Variants in SF3A3 observed in about 807,000 individuals in gnomAD.
SF3A3 encodes SAP 61.
SF3A3 carries 9 observed loss-of-function variants against 85.8 expected under a neutral mutation model. That is an observed-to-expected ratio of 0.10 (90% CI 0.06 to 0.18). The LOEUF is 0.18. Among genes scored for constraint, SF3A3 ranks in the 10% least tolerant of loss-of-function variants. The pLI, the probability that SF3A3 is intolerant of heterozygous loss-of-function variation, is 1.00. For synonymous variants in SF3A3, 195 were observed against 204.4 expected, an observed-to-expected ratio of 0.95 and a Z score of 0.39; for missense variants, 306 against 593.3, an observed-to-expected ratio of 0.52 and a Z score of 5.03.
intron 5 of SF3A3, 139 bp from the exon 6 acceptor site, chr1:37,984,399 T>A (rs1487625150): frequency 3.2e-6 from 2 of 626,012 alleles, no homozygotes; most frequent in Non-Finnish European, 5.7e-6. Flanking sequence ...CAATATAACC[T>A]CCAATAAGTT....
At chr1:37,980,220 T>C (rs1426838453) in intron 8 of SF3A3, among the ~76,000 whole-genome samples, 1 of 152,104 alleles carries the variant, frequency 6.6e-6, no homozygotes, top group African/African-American at 2.4e-5. Flanking sequence ...AGGTCGGGAA[T>C]TTGAGACCAG....
At position 37,962,956 on chromosome 1, in the gene SF3A3, C is replaced by T. The variant is rs1016334215; in HGVS notation, c.1373-2781G>A. 5.3e-5 allele frequency among the ~76,000 whole-genome samples: 8 copies of T among 151,300 alleles called. No homozygotes were observed. The South Asian group carries it at 1.5e-3, about 28-fold the overall frequency. On this transcript the variant is annotated intron_variant, in intron 15 of 16. Coordinates refer to ENST00000373019, the MANE Select transcript of SF3A3 (RefSeq NM_006802.4). Reference sequence around the variant, plus strand: ...ACAAAAAATTAGCTGGGCATGCTGGCGTGCACCTGTAGTCCCAGCCACTCG... The same window carrying T: ...ACAAAAAATTAGCTGGGCATGCTGGTGTGCACCTGTAGTCCCAGCCACTCG...
intron 15 of SF3A3, among the ~76,000 whole-genome samples, chr1:37,963,087 CA>C (rs112449841): frequency 0.034 from 3,962 of 115,882 alleles, 63 homozygotes; most frequent in Non-Finnish European, 0.051. Context: ...GACTCCGTCT[CA>C]AAAAAAAAAA....
intron 16 of SF3A3, 120 bp from the exon 17 acceptor site, chr1:37,958,383 T>C (rs1475234766): frequency 4.1e-6 from 3 of 731,478 alleles, no homozygotes; most frequent in Admixed American, 2.1e-5. Flanking sequence ...TACACTAAGA[T>C]TGGCATTCAT....
intron 7 of SF3A3, 117 bp from the exon 8 acceptor site, chr1:37,980,841 CTTTTTTTTTTTT>C (rs760972269): frequency 2.7e-4 from 26 of 95,452 alleles, no homozygotes; most frequent in African/African-American, 1.4e-3. Context: ...TTTTAATACT[CTTTTTTTTTTTT>C]TTTTTTTTTT....
At chr1:37,964,697 C>T (rs1008803541) in intron 15 of SF3A3, among the ~76,000 whole-genome samples, 1 of 152,146 alleles carries the variant, frequency 6.6e-6, no homozygotes, top group African/African-American at 2.4e-5. Context: ...GAGAAAGCTA[C>T]CACTGCGGGG....
At chr1:37,973,078 C>T (rs181805967) in intron 12 of SF3A3, among the ~76,000 whole-genome samples, 11 of 152,160 alleles carry the variant, frequency 7.2e-5, no homozygotes, top group African/African-American at 2.7e-4. Context: ...ACTCGGGAGG[C>T]TGAGGCAGGA....
chr1:37,986,548 A>T (rs1646458331), intron 4 of SF3A3, among the ~76,000 whole-genome samples: 1 of 151,680 alleles, frequency 6.6e-6, no homozygotes, highest in Non-Finnish European at 1.5e-5. Flanking sequence ...GCGGTGGCTC[A>T]TGCCTGTAAT....
intron 15 of SF3A3, among the ~76,000 whole-genome samples, chr1:37,963,083 G>A (rs565712394): frequency 1.5e-4 from 22 of 145,868 alleles, no homozygotes; most frequent in Non-Finnish European, 2.2e-4. Context: ...GCGAGACTCC[G>A]TCTCAAAAAA....
chr1:37,988,855 T>TG (rs1646472692), intron 2 of SF3A3, among the ~76,000 whole-genome samples: 2 of 146,760 alleles, frequency 1.4e-5, no homozygotes, highest in African/African-American at 5.4e-5. Flanking sequence ...ATACGGGGTG[T>TG]GTTGTGTGTG....
At chr1:37,963,217 T>C (rs1646274258) in intron 15 of SF3A3, among the ~76,000 whole-genome samples, 1 of 151,888 alleles carries the variant, frequency 6.6e-6, no homozygotes, top group African/African-American at 2.4e-5. Flanking sequence ...CCAGGAATGG[T>C]GACATGAGAA....
intron 1 of SF3A3, 43 bp from the exon 2 acceptor site, chr1:37,989,638 C>T (rs1436102082): frequency 2.5e-6 from 4 of 1,608,674 alleles, no homozygotes; most frequent in East Asian, 4.5e-5. Flanking sequence ...AGTTTGCGTT[C>T]TGGAGTAGAA....
chr1:37,963,235 A>G (rs1031191825), intron 15 of SF3A3, among the ~76,000 whole-genome samples: 1 of 152,312 alleles, frequency 6.6e-6, no homozygotes, highest in African/African-American at 2.4e-5. Context: ...GAATCACTTG[A>G]GCCCAAGAGG....
chr1:37,963,778 G>A (rs893959495), intron 15 of SF3A3, among the ~76,000 whole-genome samples: 2 of 145,628 alleles, frequency 1.4e-5, no homozygotes, highest in Non-Finnish European at 3.0e-5. Context: ...GGATGGTCTC[G>A]ATCTCCTGAC....
intron 2 of SF3A3, among the ~76,000 whole-genome samples, chr1:37,988,087 T>C (rs866648719): frequency 2.0e-5 from 3 of 152,214 alleles, no homozygotes; most frequent in African/African-American, 7.2e-5. Flanking sequence ...ACCTAAATGA[T>C]ACATTTAAGG....
chr1:37,959,794 C>T (rs1057242728), intron 16 of SF3A3, among the ~76,000 whole-genome samples: 20 of 151,746 alleles, frequency 1.3e-4, no homozygotes, highest in Non-Finnish European at 2.5e-4. Flanking sequence ...CCTGTCGCTA[C>T]TAAAAATACA....
chr1:37,982,015 T>C (rs1646422562), intron 6 of SF3A3, among the ~76,000 whole-genome samples: 1 of 136,094 alleles, frequency 7.3e-6, no homozygotes, highest in South Asian at 2.5e-4. Flanking sequence ...AAGGAAAATA[T>C]CAGACATAAT....
In SF3A3 at chr1:37,957,355, C is replaced by T. The variant is rs529741631; in HGVS notation, c.*831G>A. The T allele has an allele frequency of 2.6e-5, 4 of 150,984 alleles. No homozygotes were observed. The East Asian group carries it at 7.8e-4, about 30-fold the overall frequency. 9.4% of individuals were successfully genotyped at this position (150,984 alleles called of 1,614,324 possible). A position where few individuals can be genotyped will look rare whatever the true frequency, so the allele number is the denominator to read the frequency against. On this transcript the variant is annotated 3_prime_UTR_variant, in exon 17 of 17. Transcript: ENST00000373019. ...TTCCCTTGTTTGTTGGGCTGCAGGC[C>T]CATTCCAACACAGCCCAACTCCCCC...
At chr1:37,970,057 C>T (rs1018538389) in intron 12 of SF3A3, among the ~76,000 whole-genome samples, 15 of 152,204 alleles carry the variant, frequency 9.9e-5, no homozygotes, top group African/African-American at 3.6e-4. Context: ...GTAATCCCAT[C>T]ACTTTTGGAG....
Sources: allele counts gnomAD v4.1 joint callset (sites outside exome capture counted in the v4.1 genomes callset), GRCh38; gene constraint gnomAD v4.1.1; transcripts MANE v1.5; gene names NCBI Gene and HGNC (gene_info 2026-07-23, HGNC 2026-07-21).